The following HS6ST2 variants were observed in gnomAD, a reference collection of about 807,000 sequenced individuals.
HS6ST2 encodes heparan sulfate 6-O-sulfotransferase 2.
HS6ST2 carries 17 observed loss-of-function variants against 33.0 expected under a neutral mutation model. The ratio of observed to expected loss-of-function variants is 0.52; its 90% confidence interval spans 0.35 to 0.77. The LOEUF (loss-of-function observed/expected upper bound fraction) is 0.77. Ranked by LOEUF, HS6ST2 falls within the 30% of genes least tolerant of loss-of-function variation. The pLI, the probability that HS6ST2 is intolerant of heterozygous loss-of-function variation, is 0.01. For missense variants in HS6ST2, 519 were observed against 551.7 expected (o/e 0.94, Z 0.59); for synonymous variants, 248 against 237.1 (o/e 1.05, Z -0.42).
intron 2 of HS6ST2, among the ~76,000 whole-genome samples, chrX:132,754,298 A>G (rs1011502397): frequency 1.8e-5 from 2 of 111,395 alleles, no homozygotes; most frequent in African/African-American, 6.5e-5. Flanking sequence ...ATCATATCCA[A>G]AGACACATAC....
chrX:132,873,634 T>C (rs780198141), intron 2 of HS6ST2, among the ~76,000 whole-genome samples: 7 of 111,768 alleles, frequency 6.3e-5, no homozygotes, highest in Non-Finnish European at 3.8e-5. Flanking sequence ...CTGGGTCTTA[T>C]TAATCACTAA....
chrX:132,671,446 C>CT (rs138709239), intron 3 of HS6ST2, among the ~76,000 whole-genome samples: 13,892 of 91,164 alleles, frequency 0.15, 1,036 homozygotes, highest in East Asian at 0.23. Context: ...CATTCATTCA[C>CT]TTTTTTTTTT....
intron 2 of HS6ST2, among the ~76,000 whole-genome samples, chrX:132,896,710 T>G (rs1292327112): frequency 9.0e-6 from 1 of 111,492 alleles, no homozygotes; most frequent in Non-Finnish European, 1.9e-5. Flanking sequence ...ATATCTACTA[T>G]GTACCCACAA....
At position 132,957,102 on chromosome X, in the gene HS6ST2, T is replaced by G. The variant is rs1417501230; in HGVS notation, c.653A>C (p.Lys218Thr). Reference protein sequence around the residue: ...YNFTRGDLLRKVDFDIKGDDL... With the variant: ...YNFTRGDLLRTVDFDIKGDDL... Reference sequence around the variant, plus strand: ...ATCGCCCTTGATGTCGAAGTCTACCTTGCGCAGGAGGTCGCCGCGGGTGAA... The same window carrying G: ...ATCGCCCTTGATGTCGAAGTCTACCGTGCGCAGGAGGTCGCCGCGGGTGAA... The change falls in exon 2 of 5, where the codon AAG (lysine) becomes ACG (threonine). Residue 218 changes from lysine to threonine, a missense_variant. By Grantham distance (78) the Lys-to-Thr change is moderately conservative (BLOSUM62 -1). Coordinates refer to ENST00000370833, the MANE Select transcript of HS6ST2 (RefSeq NM_001394073.1). The G allele has an allele frequency of 1.7e-6, 2 of 1,211,559 alleles. No homozygotes were observed. The highest frequency in any genetic ancestry group is 2.2e-6 in the Non-Finnish European group (2 of 895,406).
intron 2 of HS6ST2, among the ~76,000 whole-genome samples, chrX:132,855,782 A>G (rs2065847730): frequency 9.0e-6 from 1 of 111,521 alleles, no homozygotes; most frequent in Non-Finnish European, 1.9e-5. Flanking sequence ...ACAATAGTTT[A>G]AAATGACTCT....
At chrX:132,803,221 C>T (rs771079439) in intron 2 of HS6ST2, among the ~76,000 whole-genome samples, 10 of 111,314 alleles carry the variant, frequency 9.0e-5, no homozygotes, top group Non-Finnish European at 1.9e-4. Flanking sequence ...CTAGTCTCTT[C>T]TTTTTCCTAG....
At chrX:132,669,937 C>A (rs1185041721) in intron 3 of HS6ST2, 1 of 112,474 alleles carries the variant, frequency 8.9e-6, no homozygotes, top group East Asian at 2.8e-4. Flanking sequence ...TTACTTTATT[C>A]TATTTCCTTT....
intron 4 of HS6ST2, among the ~76,000 whole-genome samples, chrX:132,651,672 C>T (rs1216745682): frequency 8.9e-6 from 1 of 111,755 alleles, no homozygotes; most frequent in Non-Finnish European, 1.9e-5. Context: ...TGGCTTATAG[C>T]AGGTTTTGAA....
chrX:132,643,421 A>T lies in HS6ST2; in HGVS notation c.1068-14328T>A, dbSNP rs1301922630. On this transcript the variant is annotated intron_variant, in intron 4 of 4. Transcript: ENST00000370833. ...CCCATGTGTGGAAACTGGCCAACCG[A>T]TGAAGGGCAAGGTTCCTGTGAATGG... 1.3e-4 allele frequency among the ~76,000 whole-genome samples: 14 copies of T among 111,859 alleles called. No individual in the cohort carries two copies. In the Admixed American group the frequency reaches 1.3e-3, roughly 11 times the overall value.
intron 2 of HS6ST2, among the ~76,000 whole-genome samples, chrX:132,710,404 AT>A (rs1177528706): frequency 8.9e-6 from 1 of 111,985 alleles, no homozygotes; most frequent in Non-Finnish European, 1.9e-5. Flanking sequence ...TTATTAAAAA[AT>A]ATTTATTATC....
At chrX:132,736,114 G>A (rs994297101) in intron 2 of HS6ST2, among the ~76,000 whole-genome samples, 12 of 111,357 alleles carry the variant, frequency 1.1e-4, no homozygotes, top group Admixed American at 5.7e-4. Context: ...CAAAGTGCTG[G>A]GATTACAGGT....
chrX:132,950,625 T>G (rs1241997101), intron 2 of HS6ST2, among the ~76,000 whole-genome samples: 2 of 111,742 alleles, frequency 1.8e-5, no homozygotes, highest in Non-Finnish European at 3.8e-5. Flanking sequence ...ACCAGTGAAA[T>G]AAAACAGTTT....
intron 1 of HS6ST2, 76 bp from the exon 2 acceptor site, chrX:132,957,402 C>T: frequency 2.9e-6 from 3 of 1,031,140 alleles, no homozygotes; most frequent in Non-Finnish European, 2.6e-6. Flanking sequence ...CCGCCCCCTT[C>T]CCCTGGAGCC....
At chrX:132,807,362 G>A (rs1190311806) in intron 2 of HS6ST2, among the ~76,000 whole-genome samples, 1 of 110,223 alleles carries the variant, frequency 9.1e-6, no homozygotes. Flanking sequence ...CTTTCATTAC[G>A]TTTTCAGCGA....
chrX:132,854,266 C>T (rs1005560018), intron 2 of HS6ST2, among the ~76,000 whole-genome samples: 2 of 112,368 alleles, frequency 1.8e-5, no homozygotes, highest in African/African-American at 6.5e-5. Flanking sequence ...TGAGGAGACT[C>T]AGACTTAATT....
chrX:132,705,186 CGCGT>C (rs1299436126), intron 3 of HS6ST2, among the ~76,000 whole-genome samples: 34 of 81,356 alleles, frequency 4.2e-4, no homozygotes, highest in African/African-American at 1.2e-3. Flanking sequence ...GATGTGGGCA[CGCGT>C]GTGTGTGTGT....
intron 4 of HS6ST2, among the ~76,000 whole-genome samples, chrX:132,661,074 T>C (rs1397234408): frequency 9.0e-6 from 1 of 111,510 alleles, no homozygotes; most frequent in Non-Finnish European, 1.9e-5. Context: ...CATGATTCAA[T>C]TACTTCCACC....
At chrX:132,849,319 C>G (rs754049746) in intron 2 of HS6ST2, among the ~76,000 whole-genome samples, 1 of 111,251 alleles carries the variant, frequency 9.0e-6, no homozygotes, top group African/African-American at 3.3e-5. Flanking sequence ...TACTCTACTG[C>G]TGGCTTTTAA....
chrX:132,949,411 C>A (rs981450843), intron 2 of HS6ST2, among the ~76,000 whole-genome samples: 2 of 110,398 alleles, frequency 1.8e-5, no homozygotes, highest in Admixed American at 2.0e-4. Context: ...GAAACAATAG[C>A]AATTCACTCA....
Sources: gnomAD v4.1 joint callset for allele counts (sites outside exome capture counted in the v4.1 genomes callset) on GRCh38, gnomAD v4.1.1 for gene constraint, MANE v1.5 for transcripts, NCBI Gene and HGNC (gene_info 2026-07-23, HGNC 2026-07-21) for gene names.